Variants in THSD7B observed in about 807,000 individuals in gnomAD.
The protein encoded by THSD7B is thrombospondin type 1 domain containing 7B, also known as thrombospondin type-1 domain-containing protein 7B.
Under a neutral mutation model 213.6 loss-of-function variants are expected in THSD7B, and 138 were observed. The observed-to-expected ratio is 0.65, with a 90% CI of 0.56 to 0.74. The LOEUF is 0.74. Ranked by LOEUF, THSD7B falls within the 30% of genes least tolerant of loss-of-function variation. The pLI is 0.00. For missense variants in THSD7B, 1,931 were observed against 1,991.5 expected (o/e 0.97, Z 0.58); for synonymous variants, 742 against 687.0 (o/e 1.08, Z -1.25).
intron 1 of THSD7B, among the ~76,000 whole-genome samples, chr2:136,840,237 G>A (rs868842754): frequency 1.3e-5 from 2 of 152,028 alleles, no homozygotes; most frequent in African/African-American, 4.8e-5. Flanking sequence ...AAATTAGCCA[G>A]GAGTGGTGGT....
intron 2 of THSD7B, among the ~76,000 whole-genome samples, chr2:137,042,141 A>C (rs183446123): frequency 1.3e-5 from 2 of 152,296 alleles, no homozygotes; most frequent in Non-Finnish European, 2.9e-5. Flanking sequence ...CCTTGTGAAC[A>C]TGTGGCAGAT....
At chr2:137,647,181 G>A (rs16839236) in intron 21 of THSD7B, among the ~76,000 whole-genome samples, 78,463 of 152,016 alleles carry the variant, frequency 0.52, 20,697 homozygotes, top group African/African-American at 0.58. Context: ...ACCTTGTCCT[G>A]CTTTACTCCT....
chr2:137,674,226 C>A (rs909365336), intron 27 of THSD7B, among the ~76,000 whole-genome samples: 1 of 152,118 alleles, frequency 6.6e-6, no homozygotes, highest in African/African-American at 2.4e-5. Context: ...TAGCAAATGC[C>A]CATTAAAGGT....
At position 137,583,771 on chromosome 2, in the gene THSD7B, G is replaced by A. The variant is rs182376541; in HGVS notation, c.3423+11215G>A. On this transcript the variant is annotated intron_variant, in intron 17 of 27. Coordinates refer to ENST00000409968, the MANE Select transcript of THSD7B (RefSeq NM_001316349.2). ...GTAGTATAGTTTGAAGTCAGGTAAC[G>A]TGATGCCTCCAGCTTTGTTCTTTTG... Among the ~76,000 whole-genome samples, 568 of 152,288 alleles carry A rather than the reference G, an allele frequency of 3.7e-3. 3 individuals are homozygous for A. The highest frequency in any genetic ancestry group is 0.013 in the African/African-American group (543 of 41,568).
rs575802331 is a variant in THSD7B at position 137,459,774 on chromosome 2, A to G, written c.3138+8751A>G. On this transcript the variant is annotated intron_variant, in intron 15 of 27. Coordinates refer to ENST00000409968, the MANE Select transcript of THSD7B (RefSeq NM_001316349.2). The stretch of plus-strand genomic sequence containing the variant: ...ATCATAACCGTTATTGGTCATAAGA[A>G]TGGAAAAATCACTGGGATTGGGAGG... 3.9e-5 allele frequency among the ~76,000 whole-genome samples: 6 copies of G among 152,292 alleles called. No individual in the cohort carries two copies. In the South Asian group the frequency reaches 8.3e-4, roughly 21 times the overall value.
intron 20 of THSD7B, among the ~76,000 whole-genome samples, chr2:137,638,373 A>G (rs1682873470): frequency 6.6e-6 from 1 of 151,630 alleles, no homozygotes; most frequent in East Asian, 1.9e-4. Context: ...CTTATTCCTC[A>G]TTTTTCTCTT....
At chr2:137,511,273 G>A (rs1373108556) in intron 15 of THSD7B, among the ~76,000 whole-genome samples, 1 of 152,112 alleles carries the variant, frequency 6.6e-6, no homozygotes, top group Non-Finnish European at 1.5e-5. Flanking sequence ...GAAAGTCTCT[G>A]TCTGCTAAGT....
At chr2:136,884,544 A>G (rs1420004130) in intron 2 of THSD7B, among the ~76,000 whole-genome samples, 1 of 152,200 alleles carries the variant, frequency 6.6e-6, no homozygotes, top group Non-Finnish European at 1.5e-5. Context: ...GGATATATCC[A>G]TTCAGGTAAA....
chr2:137,127,939 A>T (rs181990534), intron 5 of THSD7B, among the ~76,000 whole-genome samples: 161 of 152,204 alleles, frequency 1.1e-3, no homozygotes, highest in African/African-American at 3.8e-3. Context: ...AAACAAAATA[A>T]AAAAACCAAA....
chr2:136,851,983 A>G (rs1683105617), intron 1 of THSD7B, among the ~76,000 whole-genome samples: 1 of 151,956 alleles, frequency 6.6e-6, no homozygotes, highest in Non-Finnish European at 1.5e-5. Context: ...CCAAAAAGAC[A>G]CTCATATCTT....
At chr2:136,950,517 G>C (rs539897586) in intron 2 of THSD7B, among the ~76,000 whole-genome samples, 5 of 152,272 alleles carry the variant, frequency 3.3e-5, no homozygotes, top group Admixed American at 2.0e-4. Context: ...TCAGCTCTCA[G>C]ACTTTCTTTT....
rs532523273 is a variant in THSD7B, at chr2:137,500,545, T to C, written c.3138+49522T>C. Among the ~76,000 whole-genome samples the C allele has an allele frequency of 3.3e-5, 5 of 152,330 alleles. No individual in the cohort carries two copies. The South Asian group carries it at 1.0e-3, about 32-fold the overall frequency. On this transcript the variant is annotated intron_variant, in intron 15 of 27. Transcript: ENST00000409968. The stretch of plus-strand genomic sequence containing the variant: ...CTAAATTATAAGTCAGGCACACTTA[T>C]GTTTACTTTCCAGCCGTATCACTTA...
intron 15 of THSD7B, among the ~76,000 whole-genome samples, chr2:137,539,637 T>C (rs898405823): frequency 1.3e-5 from 2 of 151,734 alleles, no homozygotes; most frequent in African/African-American, 4.8e-5. Context: ...CATCATAATC[T>C]CATATTTAAC....
At position 136,855,641 on chromosome 2, in the gene THSD7B, T is replaced by A. The variant is rs1023948594; in HGVS notation, c.-35-26503T>A. 2.5e-4 allele frequency among the ~76,000 whole-genome samples: 38 copies of A among 149,200 alleles called. 1 individual carries two copies. The highest frequency in any genetic ancestry group is 6.6e-5 in the Admixed American group (1 of 15,134). Reference sequence around the variant, plus strand: ...TATTTATTTATTTATTTATTTATTTTTTGTATTTTTAGTAGAGACGGGGTT... The same window carrying A: ...TATTTATTTATTTATTTATTTATTTATTGTATTTTTAGTAGAGACGGGGTT... On this transcript the variant is annotated intron_variant, in intron 1 of 27. Coordinates refer to ENST00000409968, the MANE Select transcript of THSD7B (RefSeq NM_001316349.2).
intron 17 of THSD7B, among the ~76,000 whole-genome samples, chr2:137,597,418 A>G (rs926110548): frequency 6.6e-6 from 1 of 151,878 alleles, no homozygotes; most frequent in Non-Finnish European, 1.5e-5. Flanking sequence ...TCATTTCCTA[A>G]TCCAAGACGG....
intron 15 of THSD7B, among the ~76,000 whole-genome samples, chr2:137,487,192 C>A (rs1304199495): frequency 6.3e-4 from 93 of 147,986 alleles, no homozygotes; most frequent in Non-Finnish European, 9.9e-4. Context: ...CAAGGTGAAA[C>A]CCCGTCTCTA....
At position 137,006,160 on chromosome 2, in the gene THSD7B, G is replaced by A. The variant is rs564977468; in HGVS notation, c.140-50260G>A. The stretch of plus-strand genomic sequence containing the variant: ...TATAATCCCAGCACTTTGGGAGGCC[G>A]AGGCGGGCAGATCACGAGGTCAGGA... On this transcript the variant is annotated intron_variant, in intron 2 of 27. Transcript: ENST00000409968. Among the ~76,000 whole-genome samples the A allele has an allele frequency of 1.4e-4, 22 of 152,202 alleles. No individual in the cohort carries two copies. The East Asian group carries it at 3.9e-3, about 27-fold the overall frequency.
chr2:137,034,929 A>G (rs1330648374), intron 2 of THSD7B, among the ~76,000 whole-genome samples: 6 of 152,302 alleles, frequency 3.9e-5, no homozygotes, highest in African/African-American at 1.4e-4. Context: ...TAGTAAAATG[A>G]TTTATAATCC....
intron 2 of THSD7B, among the ~76,000 whole-genome samples, chr2:136,969,546 T>C (rs1222470513): frequency 2.6e-5 from 4 of 152,198 alleles, no homozygotes; most frequent in Admixed American, 2.0e-4. Context: ...ATTCATCCTA[T>C]GTATTTTCCT....
Sources: gnomAD v4.1 joint callset for allele counts (sites outside exome capture counted in the v4.1 genomes callset) on GRCh38, gnomAD v4.1.1 for gene constraint, MANE v1.5 for transcripts, NCBI Gene and HGNC (gene_info 2026-07-23, HGNC 2026-07-21) for gene names.